The following TNRC6C variants were observed in gnomAD, a reference collection of about 807,000 sequenced individuals.
The protein encoded by TNRC6C is trinucleotide repeat containing adaptor 6C, also known as trinucleotide repeat-containing gene 6C protein.
A neutral mutation model predicts 153.7 loss-of-function variants in TNRC6C; 20 were observed. The ratio of observed to expected loss-of-function variants is 0.13; its 90% CI spans 0.09 to 0.19. The LOEUF is 0.19. Ranked by LOEUF, TNRC6C falls within the 10% of genes least tolerant of loss-of-function variation. The pLI is 1.00. For missense variants in TNRC6C, 1,987 were observed against 2,172.0 expected (o/e 0.91, Z 1.69); for synonymous variants, 811 against 841.4 (o/e 0.96, Z 0.63).
exon 5 of TNRC6C, chr17:78,067,758 T>A (rs769376567): frequency 6.2e-7 from 1 of 1,604,918 alleles, no homozygotes; most frequent in Non-Finnish European, 8.5e-7. Flanking sequence ...TGTTTCTAGC[T>A]TCAAAATCTA....
chr17:77,971,191 G>A (rs1273739124), intron 1 of TNRC6C, among the ~76,000 whole-genome samples: 2 of 152,080 alleles, frequency 1.3e-5, no homozygotes, highest in Non-Finnish European at 2.9e-5. Context: ...ATCTATTAGT[G>A]GTATCATTAA....
intron 1 of TNRC6C, among the ~76,000 whole-genome samples, chr17:77,976,826 G>A (rs991087340): frequency 6.6e-6 from 1 of 150,922 alleles, no homozygotes; most frequent in African/African-American, 2.4e-5. Flanking sequence ...CTATTGGGGA[G>A]GCTGAGGCAG....
At chr17:77,999,953 GGTCT>G (rs2071386296), upstream of TNRC6C, among the ~76,000 whole-genome samples, 1 of 152,174 alleles carries the variant, frequency 6.6e-6, no homozygotes, top group Admixed American at 6.5e-5. Flanking sequence ...GCAAGTCGCT[GGTCT>G]CTCTCATACT....
intron 2 of TNRC6C, among the ~76,000 whole-genome samples, chr17:78,045,339 G>A (rs545540605): frequency 6.6e-6 from 1 of 152,190 alleles, no homozygotes; most frequent in South Asian, 2.1e-4. Context: ...ATCCTATATG[G>A]CCATCCTTAG....
intron 1 of TNRC6C, among the ~76,000 whole-genome samples, chr17:77,967,510 C>G (rs1598636739): frequency 6.6e-6 from 1 of 152,078 alleles, no homozygotes. Flanking sequence ...GGGGCTGTAT[C>G]TGCAGATTTG....
exon 3 of TNRC6C, chr17:78,050,371 A>G: frequency 6.2e-7 from 1 of 1,613,370 alleles, no homozygotes; most frequent in African/African-American, 1.3e-5. Context: ...GTTGCCAAGG[A>G]ATGATCTTGA....
chr17:78,108,295 C>G lies in TNRC6C; in HGVS notation c.*3450C>G, dbSNP rs574599845. The G allele has an allele frequency of 2.6e-3, 395 of 154,514 alleles. 2 individuals carry two copies. The highest frequency in any genetic ancestry group is 2.2e-3 in the Non-Finnish European group (148 of 68,246). 9.6% of individuals were successfully genotyped at this position (154,514 alleles called of 1,614,324 possible). On this transcript the variant is annotated 3_prime_UTR_variant, in exon 20 of 20. Transcript: ENST00000301624. ...GAAGGTGGTGTGCTGCTGGCTCTGA[C>G]CATACTCTTTTGGAAATTGAGAAGG...
At chr17:78,058,918 A>G (rs1398531282) in intron 3 of TNRC6C, among the ~76,000 whole-genome samples, 1 of 152,240 alleles carries the variant, frequency 6.6e-6, no homozygotes, top group Admixed American at 6.5e-5. Context: ...CTTATAAAAT[A>G]TAAAACCAGA....
intron 16 of TNRC6C, among the ~76,000 whole-genome samples, chr17:78,096,099 G>A (rs2073481163): frequency 6.6e-6 from 1 of 152,192 alleles, no homozygotes; most frequent in African/African-American, 2.4e-5. Context: ...GCGTGAGCCA[G>A]TGCGCACGGC....
At chr17:77,985,616 A>G (rs79978032) in intron 1 of TNRC6C, among the ~76,000 whole-genome samples, 2 of 151,496 alleles carry the variant, frequency 1.3e-5, no homozygotes, top group South Asian at 4.2e-4. Flanking sequence ...AAAAAAAAAA[A>G]CCAGCAACTG....
At chr17:78,059,896 G>A (rs1011093271) in intron 3 of TNRC6C, among the ~76,000 whole-genome samples, 2 of 150,916 alleles carry the variant, frequency 1.3e-5, no homozygotes, top group Admixed American at 1.3e-4. Context: ...CCCCGCCACC[G>A]ATAGCAGTAG....
chr17:78,103,796 G>A (rs886585376), intron 19 of TNRC6C, among the ~76,000 whole-genome samples: 1 of 152,116 alleles, frequency 6.6e-6, no homozygotes, highest in Admixed American at 6.5e-5. Context: ...TTATATGGTC[G>A]TCTCTTTGTG....
intron 13 of TNRC6C, among the ~76,000 whole-genome samples, chr17:78,090,817 C>T (rs140667530): frequency 3.7e-4 from 57 of 152,344 alleles, no homozygotes; most frequent in African/African-American, 1.3e-3. Context: ...ACTTAATTCA[C>T]AGACTCTTTC....
intron 1 of TNRC6C, among the ~76,000 whole-genome samples, chr17:77,990,355 A>G (rs939919056): frequency 6.6e-6 from 1 of 152,166 alleles, no homozygotes; most frequent in Admixed American, 6.5e-5. Flanking sequence ...AAAATTCTTC[A>G]TTGGCTTCTC....
chr17:78,001,619 A>G (rs1046879721), upstream of TNRC6C, among the ~76,000 whole-genome samples: 5 of 152,232 alleles, frequency 3.3e-5, no homozygotes, highest in African/African-American at 1.2e-4. Context: ...ATTGAATGAG[A>G]AAAGCAAGTT....
At chr17:78,050,966 G>A (rs1224802722) in exon 3 of TNRC6C, 3 of 1,613,872 alleles carry the variant, frequency 1.9e-6, no homozygotes, top group East Asian at 4.5e-5. Context: ...GACACCACGA[G>A]ATCTGGGAAC....
At chr17:78,028,851 C>G (rs983273439) in intron 1 of TNRC6C, among the ~76,000 whole-genome samples, 1 of 152,088 alleles carries the variant, frequency 6.6e-6, no homozygotes, top group Admixed American at 6.5e-5. Flanking sequence ...TTTCAAATAA[C>G]AAAATAGATG....
intron 3 of TNRC6C, among the ~76,000 whole-genome samples, chr17:78,061,742 A>G (rs1288386620): frequency 6.6e-6 from 1 of 152,212 alleles, no homozygotes; most frequent in Non-Finnish European, 1.5e-5. Flanking sequence ...TGAGTAAGCA[A>G]GTGTTCTTCC....
intron 8 of TNRC6C, 111 bp from the exon 11 acceptor site, chr17:78,077,074 A>T: frequency 3.2e-6 from 4 of 1,234,704 alleles, no homozygotes; most frequent in African/African-American, 3.1e-5. Flanking sequence ...CACTTTTTTG[A>T]TCTGTTAATT....
Sources: gnomAD v4.1 joint callset for allele counts (sites outside exome capture counted in the v4.1 genomes callset) on GRCh38, gnomAD v4.1.1 for gene constraint, MANE v1.5 for transcripts, NCBI Gene and HGNC (gene_info 2026-07-23, HGNC 2026-07-21) for gene names.